The following STAT4 variants were observed in gnomAD, a reference collection of about 807,000 sequenced individuals.
STAT4 encodes the protein signal transducer and activator of transcription 4.
A neutral mutation model predicts 110.5 loss-of-function variants in STAT4; 42 were observed. The ratio of observed to expected loss-of-function variants is 0.38; its 90% CI spans 0.30 to 0.49. STAT4 has a LOEUF of 0.49. Among genes scored for constraint, STAT4 ranks in the 20% least tolerant of loss-of-function variants. The pLI, the probability that STAT4 is intolerant of heterozygous loss-of-function variation, is 0.95. For missense variants in STAT4, 632 were observed against 887.9 expected, an observed-to-expected ratio of 0.71 and a Z score of 3.66; for synonymous variants, 284 against 302.2, an observed-to-expected ratio of 0.94 and a Z score of 0.63.
In STAT4 at chr2:191,042,219, C is replaced by T. The variant is rs1258897807; in HGVS notation, c.1252-1071G>A. Among the ~76,000 whole-genome samples the T allele has an allele frequency of 6.6e-6, 1 of 152,056 alleles. No homozygotes were observed. The highest frequency in any genetic ancestry group is 1.5e-5 in the Non-Finnish European group (1 of 68,018). On this transcript the variant is annotated intron_variant, in intron 14 of 23. Coordinates refer to ENST00000392320, the MANE Select transcript of STAT4 (RefSeq NM_003151.4). The surrounding 1 kb of genome is among the most constrained non-coding windows in gnomAD (Gnocchi z 4.2). The stretch of plus-strand genomic sequence containing the variant: ...TTTCAGGCTGTTTTTTAATGCCCTT[C>T]TCTTAATTATTAACAGCAAGCTAAT...
At chr2:191,095,574 A>G (rs1038664281) in intron 3 of STAT4, among the ~76,000 whole-genome samples, 15 of 152,368 alleles carry the variant, frequency 9.8e-5, no homozygotes, top group Admixed American at 7.2e-4. Context: ...ATGAGAACAA[A>G]GACACAACAT....
chr2:191,062,844 T>C lies in STAT4; in HGVS notation c.859A>G (p.Thr287Ala), dbSNP rs1559049854. ...EKLEEQSTKM[T>A]YEGDPIPMQR... The stretch of plus-strand genomic sequence containing the variant: ...ATTGGAATGGGATCACCTTCATATG[T>C]CATTTTGGTAGATTGCTCCTCTAGT... The change falls in exon 9 of 24, where the codon ACA (threonine) becomes GCA (alanine). Residue 287 changes from threonine to alanine, a missense_variant. Physicochemically the swap from Thr to Ala is moderately conservative, Grantham distance 58. Coordinates refer to ENST00000392320, the MANE Select transcript of STAT4 (RefSeq NM_003151.4). The surrounding 1 kb of genome is among the most constrained non-coding windows in gnomAD (Gnocchi z 4.9). 6.2e-7 allele frequency: 1 copy of C among 1,613,948 alleles called. No individual in the cohort carries two copies.
At chr2:191,081,586 T>G (rs796657673) in intron 3 of STAT4, among the ~76,000 whole-genome samples, 1 of 152,262 alleles carries the variant, frequency 6.6e-6, no homozygotes, top group South Asian at 2.1e-4. Flanking sequence ...ATCTCTCTGA[T>G]GACCAGTGAC....
intron 3 of STAT4, among the ~76,000 whole-genome samples, chr2:191,136,780 G>A (rs558226133): frequency 6.6e-6 from 1 of 152,156 alleles, no homozygotes; most frequent in East Asian, 1.9e-4. Flanking sequence ...GTCCTTCTTT[G>A]CTGATGATAT....
rs190722406 is a variant in STAT4 at position 191,038,675 on chromosome 2, C to T, written c.1434+524G>A. ...TTGTGACTTGAGGCCAATTTTGGGT[C>T]AGTGTCACAACGACCAGATAGCATT... On this transcript the variant is annotated intron_variant, in intron 16 of 23. Transcript: ENST00000392320. 5.9e-5 allele frequency among the ~76,000 whole-genome samples: 9 copies of T among 152,250 alleles called. No individual in the cohort carries two copies. The East Asian group carries it at 1.7e-3, about 29-fold the overall frequency.
intron 3 of STAT4, among the ~76,000 whole-genome samples, chr2:191,124,233 G>C (rs1698816072): frequency 6.6e-6 from 1 of 152,120 alleles, no homozygotes; most frequent in Non-Finnish European, 1.5e-5. Flanking sequence ...GAGGCTGGCG[G>C]ATTGCGAGGT....
At position 191,078,101 on chromosome 2, in the gene STAT4, T is replaced by TAA. The variant is rs3024836; in HGVS notation, c.274-1778_274-1777dup. 9.2e-5 allele frequency among the ~76,000 whole-genome samples: 14 copies of TAA among 151,670 alleles called. No individual in the cohort carries two copies. In the East Asian group the frequency reaches 1.2e-3, roughly 13 times the overall value. ...ATTTATTTTAATATTATTCCATTGT[T>TAA]AAAAAAAGGGCTTCTCCTAGGGCTA... is the stretch of plus-strand genomic sequence containing the variant. On this transcript the variant is annotated intron_variant, in intron 3 of 23. Coordinates refer to ENST00000392320, the MANE Select transcript of STAT4 (RefSeq NM_003151.4).
At chr2:191,127,622 T>C (rs1698917066) in intron 3 of STAT4, among the ~76,000 whole-genome samples, 1 of 152,242 alleles carries the variant, frequency 6.6e-6, no homozygotes. Context: ...AACATCCATA[T>C]GATGTAATCA....
chr2:191,073,734 C>CAT (rs1302116503), intron 4 of STAT4, among the ~76,000 whole-genome samples: 7 of 152,076 alleles, frequency 4.6e-5, no homozygotes, highest in South Asian at 2.1e-4. Context: ...TAAATATAAA[C>CAT]ATATATATAT....
At position 191,102,915 on chromosome 2, in the gene STAT4, T is replaced by C. The variant is rs139675502; in HGVS notation, c.274-26590A>G. On this transcript the variant is annotated intron_variant, in intron 3 of 23. Transcript: ENST00000392320. ...TTTTCTTTCATATCACTACATGATG[T>C]GCTTTAACTGTGACATCCATGTATC... is the stretch of plus-strand genomic sequence containing the variant. Among the ~76,000 whole-genome samples the C allele has an allele frequency of 8.8e-4, 134 of 152,326 alleles. 2 individuals carry two copies. The East Asian group carries it at 0.024, about 27-fold the overall frequency.
rs557033227 is a variant in STAT4 at position 191,042,560 on chromosome 2, T to C, written c.1252-1412A>G. ...TAAGGAAGCATTTTAAAAAAATTAT[T>C]ATTTTGGTTTTTGTGATAAGTGTAT... On this transcript the variant is annotated intron_variant, in intron 14 of 23. Transcript: ENST00000392320. The surrounding 1 kb of genome is among the most constrained non-coding windows in gnomAD (Gnocchi z 4.2). Among the ~76,000 whole-genome samples the C allele has an allele frequency of 6.6e-6, 1 of 152,122 alleles. No individual in the cohort carries two copies. Among genetic ancestry groups the C allele is most frequent in the Admixed American group, 6.5e-5 (1 of 15,278 alleles).
chr2:191,132,463 G>C (rs1699063047), intron 3 of STAT4, among the ~76,000 whole-genome samples: 2 of 151,698 alleles, frequency 1.3e-5, no homozygotes, highest in Admixed American at 6.6e-5. Context: ...TCAGAATGAA[G>C]CAAAATTTGA....
intron 3 of STAT4, among the ~76,000 whole-genome samples, chr2:191,079,751 T>C (rs939167116): frequency 6.6e-6 from 1 of 151,802 alleles, no homozygotes; most frequent in East Asian, 1.9e-4. Flanking sequence ...TCTATTTATC[T>C]TTTTTTTACA....
chr2:191,132,593 A>G (rs1699065117), intron 3 of STAT4, among the ~76,000 whole-genome samples: 1 of 151,738 alleles, frequency 6.6e-6, no homozygotes, highest in Non-Finnish European at 1.5e-5. Flanking sequence ...TGTAACTAAC[A>G]AAATATAAAT....
chr2:191,044,807 G>A (rs915228340), intron 14 of STAT4, among the ~76,000 whole-genome samples: 8 of 152,210 alleles, frequency 5.3e-5, no homozygotes, highest in Admixed American at 4.6e-4. Flanking sequence ...CAAATTGTAA[G>A]GAGTTTTCTA....
In STAT4 at chr2:191,082,524, GA is replaced by G. The variant is rs2125287018; in HGVS notation, c.274-6200del. ...ATTGCCACATGGCAACAGCAATTAA[GA>G]GGTGTTATTGATTATAATATGCATT... On this transcript the variant is annotated intron_variant, in intron 3 of 23. Transcript: ENST00000392320. The surrounding 1 kb of genome is among the most constrained non-coding windows in gnomAD (Gnocchi z 4.7). Among the ~76,000 whole-genome samples, 1 of 152,354 alleles carries G rather than the reference GA, an allele frequency of 6.6e-6. No individual in the cohort carries two copies. Among genetic ancestry groups the G allele is most frequent in the East Asian group, 1.9e-4 (1 of 5,186 alleles).
In STAT4 at chr2:191,086,034, C is replaced by G. The variant is rs1239695263; in HGVS notation, c.274-9709G>C. Among the ~76,000 whole-genome samples, 2 of 152,026 alleles carry G rather than the reference C, an allele frequency of 1.3e-5. No individual in the cohort carries two copies. Among genetic ancestry groups the G allele is most frequent in the African/African-American group, 4.8e-5 (2 of 41,402 alleles). On this transcript the variant is annotated intron_variant, in intron 3 of 23. Coordinates refer to ENST00000392320, the MANE Select transcript of STAT4 (RefSeq NM_003151.4). This position sits in a 1 kb window ranked among gnomAD's most constrained non-coding sequence, Gnocchi z 5.5. ...AATTTGGAAACTATTTGTGAGTATT[C>G]TTAATTTATGGCAATAGTTATTTTC...
chr2:191,063,892 C>A (rs1696914918), intron 8 of STAT4, among the ~76,000 whole-genome samples: 1 of 152,148 alleles, frequency 6.6e-6, no homozygotes, highest in Non-Finnish European at 1.5e-5. Context: ...GAGGGGGTCC[C>A]CAGTTACTAC....
chr2:191,045,634 A>T (rs1326842331), intron 14 of STAT4, among the ~76,000 whole-genome samples: 2 of 152,220 alleles, frequency 1.3e-5, no homozygotes, highest in East Asian at 3.8e-4. Flanking sequence ...TGAAATCAGA[A>T]ATAATAAAAA....
Sources: allele counts gnomAD v4.1 joint callset (sites outside exome capture counted in the v4.1 genomes callset), GRCh38; gene constraint gnomAD v4.1.1; non-coding constraint Gnocchi (gnomAD v3.1); transcripts MANE v1.5; gene names NCBI Gene and HGNC (gene_info 2026-07-23, HGNC 2026-07-21).